Variants in PRKCZ observed in about 807,000 individuals in gnomAD.
PRKCZ encodes protein kinase C zeta type.
PRKCZ carries 33 observed loss-of-function variants against 79.5 expected under a neutral mutation model. The observed-to-expected ratio is 0.41, with a 90% CI of 0.31 to 0.55. The LOEUF (loss-of-function observed/expected upper bound fraction) is 0.55, where lower values mean the gene tolerates loss of function less well. Among genes scored for constraint, PRKCZ ranks in the 20% least tolerant of loss-of-function variants. The pLI is 0.19. For synonymous variants in PRKCZ, 342 were observed against 320.9 expected (o/e 1.07, Z -0.70); for missense variants, 578 against 813.5 (o/e 0.71, Z 3.52).
At chr1:2,115,210 G>A (rs1422570055) in intron 4 of PRKCZ, among the ~76,000 whole-genome samples, 1 of 152,262 alleles carries the variant, frequency 6.6e-6, no homozygotes, top group Non-Finnish European at 1.5e-5. Context: ...GTGGGGTGCG[G>A]TTCTGCCGTG....
chr1:2,087,645 AC>A (rs1304004079), intron 4 of PRKCZ, among the ~76,000 whole-genome samples: 4 of 152,134 alleles, frequency 2.6e-5, no homozygotes, highest in Admixed American at 2.6e-4. Context: ...ATAGCAGGAT[AC>A]CCGAGTAATA....
At chr1:2,102,984 C>T (rs1297644748) in intron 4 of PRKCZ, among the ~76,000 whole-genome samples, 1 of 152,172 alleles carries the variant, frequency 6.6e-6, no homozygotes, top group Non-Finnish European at 1.5e-5. Context: ...AGCCTCCCAC[C>T]TCAGCCTCCC....
chr1:2,144,056 C>A, intron 5 of PRKCZ, 154 bp from the exon 6 acceptor site: 1 of 1,134,188 alleles, frequency 8.8e-7, no homozygotes, highest in Non-Finnish European at 1.2e-6. Flanking sequence ...CAAGCTTGGG[C>A]AAGCCTGGCG....
At chr1:2,093,448 G>T (rs1379346198) in intron 4 of PRKCZ, among the ~76,000 whole-genome samples, 1 of 152,130 alleles carries the variant, frequency 6.6e-6, no homozygotes, top group Non-Finnish European at 1.5e-5. Context: ...GGGACGCTGT[G>T]ACTTGGCTCT....
rs1210261537 is a variant in PRKCZ at position 2,157,731 on chromosome 1, T to A, written c.974+1639T>A. Among the ~76,000 whole-genome samples the A allele has an allele frequency of 6.7e-5, 10 of 149,878 alleles. No individual in the cohort carries two copies. In the East Asian group the frequency reaches 9.8e-4, roughly 15 times the overall value. ...TCCAGAGTTTTTTTTTTTTTTTTTT[T>A]AAATAAAGATAGGGTCTTGCTCTGT... On this transcript the variant is annotated intron_variant, in intron 10 of 17. Coordinates refer to ENST00000378567, the MANE Select transcript of PRKCZ (RefSeq NM_002744.6).
At chr1:2,107,423 C>T (rs560473029) in intron 4 of PRKCZ, among the ~76,000 whole-genome samples, 7 of 152,372 alleles carry the variant, frequency 4.6e-5, no homozygotes, top group Admixed American at 6.5e-5. Flanking sequence ...CTCCCGTGCC[C>T]GTTGGGCTGG....
At chr1:2,120,109 C>G (rs1440978480) in intron 4 of PRKCZ, among the ~76,000 whole-genome samples, 1 of 152,114 alleles carries the variant, frequency 6.6e-6, no homozygotes, top group Non-Finnish European at 1.5e-5. Flanking sequence ...TCCAGCCTCA[C>G]TGCCACCCCT....
chr1:2,051,140 G>C (rs1659604769), intron 1 of PRKCZ: 1 of 153,850 alleles, frequency 6.5e-6, no homozygotes, highest in South Asian at 2.1e-4. Flanking sequence ...GGAGACCCGG[G>C]GCGCGGGCGC....
intron 4 of PRKCZ, among the ~76,000 whole-genome samples, chr1:2,079,717 G>A (rs749662292): frequency 6.6e-6 from 1 of 152,206 alleles, no homozygotes; most frequent in Non-Finnish European, 1.5e-5. Flanking sequence ...TCTCCTTTTG[G>A]TGTTTTCTTT....
At position 2,067,069 on chromosome 1, in the gene PRKCZ, C is replaced by T. The variant is rs57048277; in HGVS notation, c.334+7478C>T. Among the ~76,000 whole-genome samples the T allele has an allele frequency of 0.011, 1,671 of 152,264 alleles. 140 individuals are homozygous for T. The East Asian group carries it at 0.21, about 19-fold the overall frequency. ...GTGTAGTGTTATTTCCATATATTTG[C>T]GAATTCTTCTGTTTTCTTTCTGTTA... On this transcript the variant is annotated intron_variant, in intron 4 of 17. Transcript: ENST00000378567.
Position 2,165,244 on chromosome 1 carries a change from C to CT in PRKCZ, c.975-4273dup, listed in dbSNP as rs1338974450. 6.6e-6 allele frequency among the ~76,000 whole-genome samples: 1 copy of CT among 152,194 alleles called. No homozygotes were observed. The highest frequency in any genetic ancestry group is 2.4e-5 in the African/African-American group (1 of 41,460). On this transcript the variant is annotated intron_variant, in intron 10 of 17. Transcript: ENST00000378567. This position sits in a 1 kb window ranked among gnomAD's most constrained non-coding sequence, Gnocchi z 4.1. ...CCGTCCTGCTCTCCGAGTCAGGAAT[C>CT]TGATTTTCCAGCGTGCCCTGTAATG...
At chr1:2,051,278 C>T (rs921254885) in intron 1 of PRKCZ, among the ~76,000 whole-genome samples, 2 of 152,206 alleles carry the variant, frequency 1.3e-5, no homozygotes, top group Admixed American at 1.3e-4. Context: ...AGGCCCTTGC[C>T]TGGCTGTGGG....
chr1:2,077,778 GT>G, intron 4 of PRKCZ, among the ~76,000 whole-genome samples: 2 of 152,148 alleles, frequency 1.3e-5, no homozygotes, highest in East Asian at 3.9e-4. Context: ...ATTTCTAGTC[GT>G]TTCCATTTAG....
At chr1:2,062,100 A>G (rs1463166235) in intron 4 of PRKCZ, among the ~76,000 whole-genome samples, 1 of 152,028 alleles carries the variant, frequency 6.6e-6, no homozygotes, top group African/African-American at 2.4e-5. Flanking sequence ...CACCGTCAGC[A>G]GAGGACCTTC....
chr1:2,160,241 G>A (rs1681956563), intron 10 of PRKCZ, among the ~76,000 whole-genome samples: 1 of 82,656 alleles, frequency 1.2e-5, no homozygotes, highest in Non-Finnish European at 3.1e-5. Flanking sequence ...CAGTGTGCGT[G>A]TGTGTGTGTG....
chr1:2,156,550 T>C (rs114125274), intron 10 of PRKCZ: 2,161 of 198,038 alleles, frequency 0.011, 44 homozygotes, highest in African/African-American at 0.047. Context: ...ATTTGTTTAT[T>C]TGAAGAGTTA....
Position 2,165,053 on chromosome 1 carries a change from C to T in PRKCZ, c.975-4465C>T, listed in dbSNP as rs542497980. ...CTGGGACACACTGCCCTCCAGTGCT[C>T]GAGTGCATTTCCTGGGCACTTTCTG... is the stretch of plus-strand genomic sequence containing the variant. On this transcript the variant is annotated intron_variant, in intron 10 of 17. Transcript: ENST00000378567. The surrounding 1 kb of genome is among the most constrained non-coding windows in gnomAD (Gnocchi z 4.1). Among the ~76,000 whole-genome samples the T allele has an allele frequency of 1.1e-4, 17 of 152,326 alleles. No homozygotes were observed. The highest frequency in any genetic ancestry group is 1.6e-4 in the Non-Finnish European group (11 of 68,030).
At position 2,177,609 on chromosome 1, in the gene PRKCZ, G is replaced by A. The variant is rs987561469; in HGVS notation, c.1575+2296G>A. On this transcript the variant is annotated intron_variant, in intron 16 of 17. Coordinates refer to ENST00000378567, the MANE Select transcript of PRKCZ (RefSeq NM_002744.6). The surrounding 1 kb of genome is among the most constrained non-coding windows in gnomAD (Gnocchi z 6.4). ...AACCCTGCCCGAGCCGGAACTCAAG[G>A]AGACCATGAAGCCACCCTTGGCCTC... is the stretch of plus-strand genomic sequence containing the variant. Among the ~76,000 whole-genome samples the A allele has an allele frequency of 1.3e-5, 2 of 152,198 alleles. No homozygotes were observed. Among genetic ancestry groups the A allele is most frequent in the African/African-American group, 4.8e-5 (2 of 41,424 alleles).
At chr1:2,077,111 T>C (rs1411780103) in intron 4 of PRKCZ, among the ~76,000 whole-genome samples, 1 of 152,152 alleles carries the variant, frequency 6.6e-6, no homozygotes, top group Non-Finnish European at 1.5e-5. Flanking sequence ...TGCTGCCGGT[T>C]GTTCTGGCGG....
Sources: allele counts gnomAD v4.1 joint callset (sites outside exome capture counted in the v4.1 genomes callset), GRCh38; gene constraint gnomAD v4.1.1; non-coding constraint Gnocchi (gnomAD v3.1); transcripts MANE v1.5; gene names NCBI Gene and HGNC (gene_info 2026-07-23, HGNC 2026-07-21).